DNAH9: variants seen among roughly 807,000 people sequenced by gnomAD.
DNAH9 encodes the protein DNAH9 variant protein.
DNAH9 carries 345 observed loss-of-function variants against 471.6 expected under a neutral mutation model. The ratio of observed to expected loss-of-function variants is 0.73; its 90% confidence interval spans 0.67 to 0.80. DNAH9 has a LOEUF of 0.80. Among genes scored for constraint, DNAH9 ranks in the 30% least tolerant of loss-of-function variants. The pLI, the probability that DNAH9 is intolerant of heterozygous loss-of-function variation, is 0.00. For synonymous variants in DNAH9, 2,093 were observed against 2,123.6 expected, an observed-to-expected ratio of 0.99 and a Z score of 0.40; for missense variants, 5,407 against 5,609.2, an observed-to-expected ratio of 0.96 and a Z score of 1.15.
intron 61 of DNAH9, among the ~76,000 whole-genome samples, chr17:11,910,225 A>G (rs1211174512): frequency 6.6e-6 from 1 of 152,010 alleles, no homozygotes; most frequent in Non-Finnish European, 1.5e-5. Flanking sequence ...ACTGCACTCC[A>G]GCCTGGGTGA....
chr17:11,646,072 G>T (rs1200840706), intron 11 of DNAH9, among the ~76,000 whole-genome samples: 1 of 151,738 alleles, frequency 6.6e-6, no homozygotes, highest in Non-Finnish European at 1.5e-5. Flanking sequence ...GTAGAGACAG[G>T]GTTTTACCGT....
At position 11,598,740 on chromosome 17, in the gene DNAH9, T is replaced by C; in HGVS notation, c.242T>C (p.Leu81Pro). The C allele has an allele frequency of 7.1e-7, 1 of 1,410,996 alleles. No homozygotes were observed. The highest frequency in any genetic ancestry group is 3.2e-5 in the Admixed American group (1 of 31,568). The allele number at this position is 1,410,996 out of a possible 1,614,324, so 87.4% of individuals were successfully genotyped here. Residue 81 changes from leucine (L) to proline (P), a missense_variant, in exon 1 of 69, where the codon CTG becomes CCG. Leu to Pro is a moderately conservative substitution (Grantham distance 98, BLOSUM62 -3). This residue lies in a region of DNAH9 where 767 missense variants were observed against 692.5 expected (regional missense o/e 1.11). Transcript: ENST00000262442. The stretch of plus-strand genomic sequence containing the variant: ...GTGGTGCGGCCCGGGCCCAGGGGCC[T>C]GGCAATACGCCCCGGGCTGGAGGTG... ...LLVVRPGPRG[L>P]AIRPGLEVGP... is the part of the protein sequence containing the mutation.
At chr17:11,768,280 A>G (rs1968051336) in intron 36 of DNAH9, among the ~76,000 whole-genome samples, 173 bp from the exon 37 acceptor site, 1 of 152,160 alleles carries the variant, frequency 6.6e-6, no homozygotes, top group Non-Finnish European at 1.5e-5. Context: ...CGGCTTGGTC[A>G]GGGTTGACCC....
chr17:11,898,944 G>A (rs961651063), intron 59 of DNAH9, among the ~76,000 whole-genome samples: 1 of 152,088 alleles, frequency 6.6e-6, no homozygotes, highest in African/African-American at 2.4e-5. Context: ...AAGCTCATCT[G>A]GCTGTTCAAA....
chr17:11,940,308 C>T (rs559986507), intron 66 of DNAH9, among the ~76,000 whole-genome samples: 21 of 152,310 alleles, frequency 1.4e-4, no homozygotes, highest in African/African-American at 4.8e-4. Context: ...GGCCCCCACA[C>T]CCTTTACAGC....
chr17:11,783,662 C>A lies in DNAH9; in HGVS notation c.7735C>A (p.Leu2579Met). Residue 2579 changes from leucine to methionine, a missense_variant, in exon 40 of 69, where the codon CTG (leucine) becomes ATG (methionine). Leu to Met is a conservative substitution (Grantham distance 15, BLOSUM62 2). This residue lies in a region of DNAH9 where 4,636 missense variants were observed against 4,900.3 expected (regional missense o/e 0.95). Coordinates refer to ENST00000262442, the MANE Select transcript of DNAH9 (RefSeq NM_001372.4). Reference protein sequence around the residue: ...DYGHWYDRSKLSLKEITNVQY... With the variant: ...DYGHWYDRSKMSLKEITNVQY... ...CTGTTCCAGGTATGATCGGAGCAAG[C>A]TGTCCCTAAAGGAGATCACAAATGT... 1 of 1,614,042 alleles carries A rather than the reference C, an allele frequency of 6.2e-7. No homozygotes were observed. Among genetic ancestry groups the A allele is most frequent in the Non-Finnish European group, 8.5e-7 (1 of 1,179,954 alleles).
At chr17:11,705,264 C>T in intron 26 of DNAH9, 79 bp downstream of exon 26, 1 of 1,277,882 alleles carries the variant, frequency 7.8e-7, no homozygotes. Context: ...GGTCAAAGTC[C>T]CTGTCACTTG....
In DNAH9 at chr17:11,687,235, G is replaced by C. The variant is rs149091109; in HGVS notation, c.3744-2331G>C. ...GCAAATGATAGTCCCATTCTCTTAA[G>C]ATGTAAATCTACAACCATAGCACCT... On this transcript the variant is annotated intron_variant, in intron 19 of 68. Coordinates refer to ENST00000262442, the MANE Select transcript of DNAH9 (RefSeq NM_001372.4). 2.4e-3 allele frequency among the ~76,000 whole-genome samples: 361 copies of C among 152,282 alleles called. 2 individuals are homozygous for C. The highest frequency in any genetic ancestry group is 4.2e-3 in the Non-Finnish European group (285 of 68,016).
chr17:11,886,739 A>C, intron 56 of DNAH9, 86 bp from the exon 57 acceptor site: 14 of 1,485,944 alleles, frequency 9.4e-6, no homozygotes, highest in Non-Finnish European at 1.3e-5. Flanking sequence ...AAGCAGACGC[A>C]TGTCTACTCA....
chr17:11,730,277 T>C (rs1190318162), intron 28 of DNAH9, among the ~76,000 whole-genome samples: 1 of 152,154 alleles, frequency 6.6e-6, no homozygotes, highest in Non-Finnish European at 1.5e-5. Context: ...TAGCTTGAAA[T>C]GGGCTATGGT....
Position 11,969,323 on chromosome 17 carries a change from G to T in DNAH9, c.13257G>T (p.Lys4419Asn). ...AGGCTGGGATCATTACAGAGGCAAAGCTGAAGGATCTGACACCCCCTATGC... is the reference window on the plus strand; with the variant it reads ...AGGCTGGGATCATTACAGAGGCAAATCTGAAGGATCTGACACCCCCTATGC... ...DTQAGIITEA[K>N]LKDLTPPMPV... The change falls in exon 69 of 69, where the codon AAG becomes AAT. Residue 4419 changes from lysine to asparagine, a missense_variant. Coordinates refer to ENST00000262442, the MANE Select transcript of DNAH9 (RefSeq NM_001372.4). 6.2e-7 allele frequency: 1 copy of T among 1,614,070 alleles called. No individual in the cohort carries two copies. Among genetic ancestry groups the T allele is most frequent in the East Asian group, 2.2e-5 (1 of 44,878 alleles).
chr17:11,759,517 C>CTTTTTTTT (rs1157505657), intron 35 of DNAH9, among the ~76,000 whole-genome samples: 24 of 83,964 alleles, frequency 2.9e-4, no homozygotes, highest in Non-Finnish European at 3.8e-4. Context: ...ATACACACCA[C>CTTTTTTTT]TTTTTTTTTT....
chr17:11,844,853 G>A (rs142050820), intron 49 of DNAH9, among the ~76,000 whole-genome samples: 490 of 152,224 alleles, frequency 3.2e-3, no homozygotes, highest in East Asian at 0.013. Context: ...CAATACTGGC[G>A]TGAGATTGTA....
At chr17:11,770,423 C>T (rs1968157564) in intron 38 of DNAH9, among the ~76,000 whole-genome samples, 1 of 149,516 alleles carries the variant, frequency 6.7e-6, no homozygotes, top group Admixed American at 6.6e-5. Flanking sequence ...GGATTAGGGT[C>T]TAGCCAACTC....
At position 11,969,652 on chromosome 17, in the gene DNAH9, A is replaced by T. The variant is rs1977054636; in HGVS notation, c.*125A>T. ...AAACCATGAGCACTCACAATTCTGT[A>T]GAATTCCTCTAGGGAACTTGGAGAG... On this transcript the variant is annotated 3_prime_UTR_variant, in exon 69 of 69. Coordinates refer to ENST00000262442, the MANE Select transcript of DNAH9 (RefSeq NM_001372.4). 1.2e-6 allele frequency: 1 copy of T among 801,458 alleles called. No individual in the cohort carries two copies. Among genetic ancestry groups the T allele is most frequent in the Non-Finnish European group, 1.9e-6 (1 of 520,524 alleles). The allele number at this position is 801,458 out of a possible 1,614,324, so 49.6% of individuals were successfully genotyped here.
chr17:11,690,572 G>A, intron 20 of DNAH9, 136 bp downstream of exon 20: 1 of 772,016 alleles, frequency 1.3e-6, no homozygotes, highest in Non-Finnish European at 2.0e-6. Context: ...ACTTCCCACA[G>A]ATGCTCACCT....
At position 11,937,559 on chromosome 17, in the gene DNAH9, G is replaced by A; in HGVS notation, c.12660+37G>A. 8 of 1,570,204 alleles carry A rather than the reference G, an allele frequency of 5.1e-6. No homozygotes were observed. Among genetic ancestry groups the A allele is most frequent in the Non-Finnish European group, 6.9e-6 (8 of 1,154,864 alleles). ...GGGGACTGCCTGAGGTCGTTCTGGG[G>A]GACCCCGAGGATCATAGATGCACAC... On this transcript the variant is annotated intron_variant, in intron 66 of 68. Transcript: ENST00000262442. The surrounding 1 kb of genome is among the most constrained non-coding windows in gnomAD (Gnocchi z 4.1).
At chr17:11,861,200 C>T (rs1971834898) in intron 50 of DNAH9, among the ~76,000 whole-genome samples, 1 of 152,034 alleles carries the variant, frequency 6.6e-6, no homozygotes, top group Non-Finnish European at 1.5e-5. Context: ...CAACAGTCCC[C>T]AGAGTGTGAT....
intron 22 of DNAH9, among the ~76,000 whole-genome samples, chr17:11,698,336 T>C (rs1403541524): frequency 7.1e-6 from 1 of 141,628 alleles, no homozygotes; most frequent in Non-Finnish European, 1.5e-5. Context: ...TAATATTCTA[T>C]ATTATACATA....
Sources: gnomAD v4.1 joint callset for allele counts (sites outside exome capture counted in the v4.1 genomes callset) on GRCh38, gnomAD v4.1.1 for gene constraint, gnomAD v4.1.1 regional missense constraint, Gnocchi (gnomAD v3.1) non-coding constraint, MANE v1.5 for transcripts, NCBI Gene and HGNC (gene_info 2026-07-23, HGNC 2026-07-21) for gene names.